Variants in MMRN1 observed in about 807,000 individuals in gnomAD.
The protein encoded by MMRN1 is multimerin 1, also known as multimerin-1.
In MMRN1, 94 loss-of-function variants were observed where a neutral mutation model predicts 100.7. The observed-to-expected ratio is 0.93, with a 90% CI of 0.79 to 1.11. The LOEUF is 1.11. Ranked by LOEUF, MMRN1 falls within the 50% of genes least tolerant of loss-of-function variation. The pLI, the probability that MMRN1 is intolerant of heterozygous loss-of-function variation, is 0.00. For missense variants in MMRN1, 1,606 were observed against 1,439.1 expected, an observed-to-expected ratio of 1.12 and a Z score of -1.88; for synonymous variants, 575 against 505.0, an observed-to-expected ratio of 1.14 and a Z score of -1.86.
At position 89,953,838 on chromosome 4, in the gene MMRN1, A is replaced by G. The variant is rs1210404991; in HGVS notation, c.*420A>G. 6.5e-6 allele frequency: 1 copy of G among 153,042 alleles called. No individual in the cohort carries two copies. Among genetic ancestry groups the G allele is most frequent in the East Asian group, 1.9e-4 (1 of 5,220 alleles). 9.5% of individuals were successfully genotyped at this position (153,042 alleles called of 1,614,324 possible). A position where few individuals can be genotyped will look rare whatever the true frequency, so the allele number is the denominator to read the frequency against. On this transcript the variant is annotated 3_prime_UTR_variant, in exon 8 of 8. Coordinates refer to ENST00000264790, the MANE Select transcript of MMRN1 (RefSeq NM_007351.3). Reference sequence around the variant, plus strand: ...ACACATTTTCTAGATTCACAAATTTAAATAAATTACTCAAAAAATGAAAAT... The same window carrying G: ...ACACATTTTCTAGATTCACAAATTTGAATAAATTACTCAAAAAATGAAAAT...
chr4:89,895,935 T>G (rs966332455), intron 1 of MMRN1, among the ~76,000 whole-genome samples: 1 of 152,306 alleles, frequency 6.6e-6, no homozygotes, highest in East Asian at 1.9e-4. Flanking sequence ...CCCAACCATA[T>G]TCACAATATG....
upstream of MMRN1, among the ~76,000 whole-genome samples, chr4:89,893,510 C>A (rs936935223): frequency 6.6e-6 from 1 of 152,142 alleles, no homozygotes; most frequent in Non-Finnish European, 1.5e-5. Context: ...ATTTCCAATT[C>A]TCTAATTTTG....
At chr4:89,931,036 T>C (rs1294367041) in intron 5 of MMRN1, among the ~76,000 whole-genome samples, 1 of 152,166 alleles carries the variant, frequency 6.6e-6, no homozygotes, top group Middle Eastern at 3.2e-3. Flanking sequence ...TTGATTACTA[T>C]TCTATATTTC....
chr4:89,908,755 T>G (rs1350074415), intron 1 of MMRN1, among the ~76,000 whole-genome samples: 1 of 151,566 alleles, frequency 6.6e-6, no homozygotes, highest in Non-Finnish European at 1.5e-5. Context: ...TTGATTACAT[T>G]GCTGAATTGT....
chr4:89,923,348 T>A, intron 4 of MMRN1, 76 bp downstream of exon 4: 3 of 1,286,674 alleles, frequency 2.3e-6, no homozygotes, highest in East Asian at 2.3e-5. Flanking sequence ...AAGCAAGAAA[T>A]CTCTTAGTTG....
rs140260250 is a variant in MMRN1, at chr4:89,945,985, G to A, written c.3119-5620G>A. On this transcript the variant is annotated intron_variant, in intron 6 of 7. Transcript: ENST00000264790. ...AAAGAACACAATGTTAGTAATTAGA[G>A]CAATGCATTTGAAAACTTAATAAAA... Among the ~76,000 whole-genome samples the A allele has an allele frequency of 3.6e-3, 542 of 152,210 alleles. 6 individuals are homozygous for A. Among genetic ancestry groups the A allele is most frequent in the African/African-American group, 0.013 (521 of 41,558 alleles).
intron 4 of MMRN1, 25 bp from the exon 5 acceptor site, chr4:89,927,770 T>C (rs2110621884): frequency 1.3e-6 from 2 of 1,590,184 alleles, no homozygotes; most frequent in East Asian, 2.3e-5. Context: ...TTTTTAATGG[T>C]CTCAATTTTC....
intron 1 of MMRN1, among the ~76,000 whole-genome samples, chr4:89,899,152 T>G (rs1406404938): frequency 1.3e-5 from 2 of 152,140 alleles, no homozygotes; most frequent in African/African-American, 4.8e-5. Flanking sequence ...TACAGGTTCT[T>G]TTCTAGATTA....
At position 89,950,677 on chromosome 4, in the gene MMRN1, A is replaced by AT. The variant is rs369700919; in HGVS notation, c.3119-921dup. Among the ~76,000 whole-genome samples the AT allele has an allele frequency of 2.5e-3, 376 of 151,530 alleles. 4 individuals are homozygous for AT. Among genetic ancestry groups the AT allele is most frequent in the African/African-American group, 8.4e-3 (347 of 41,306 alleles). On this transcript the variant is annotated intron_variant, in intron 6 of 7. Transcript: ENST00000264790. ...TGATACATTCTCCGTTTTTTAACTT[A>AT]TTTTTTTCTGATCTGTAAGTGAAGA...
At chr4:89,885,657 A>T (rs532861317) in intron 1 of MMRN1, among the ~76,000 whole-genome samples, 19 of 152,256 alleles carry the variant, frequency 1.2e-4, no homozygotes, top group African/African-American at 4.6e-4. Context: ...CATTTCATTT[A>T]AGTTGCCAGA....
intron 3 of MMRN1, among the ~76,000 whole-genome samples, chr4:89,917,891 G>A (rs1053857963): frequency 6.6e-6 from 1 of 151,844 alleles, no homozygotes; most frequent in Non-Finnish European, 1.5e-5. Flanking sequence ...AATACTGTGT[G>A]TATTTTTGAA....
intron 5 of MMRN1, among the ~76,000 whole-genome samples, chr4:89,931,783 T>C (rs1185492189): frequency 2.0e-5 from 3 of 152,170 alleles, no homozygotes; most frequent in African/African-American, 7.2e-5. Flanking sequence ...TCCCTCCCCA[T>C]GATTCAATTT....
chr4:89,924,292 G>A (rs1722177626), intron 4 of MMRN1, among the ~76,000 whole-genome samples: 1 of 150,662 alleles, frequency 6.6e-6, no homozygotes, highest in Middle Eastern at 3.4e-3. Flanking sequence ...GAGTGTAACA[G>A]TAACTCTTTG....
Position 89,895,054 on chromosome 4 carries a change from C to T in MMRN1, c.83C>T (p.Thr28Ile). ...IGLNNSKHSW[T>I]IPEDGNSQKT... Reference sequence around the variant, plus strand: ...CTTAACAACAGTAAGCATTCTTGGACTATACCTGAGGATGGGAACTCTCAG... The same window carrying T: ...CTTAACAACAGTAAGCATTCTTGGATTATACCTGAGGATGGGAACTCTCAG... The change falls in exon 1 of 8, where the codon ACT (threonine) becomes ATT (isoleucine). Residue 28 changes from threonine to isoleucine, a missense_variant. Physicochemically the swap from Thr to Ile is moderately conservative, Grantham distance 89 (BLOSUM62 -1). Coordinates refer to ENST00000264790, the MANE Select transcript of MMRN1 (RefSeq NM_007351.3). The T allele has an allele frequency of 1.9e-6, 3 of 1,613,910 alleles. No individual in the cohort carries two copies. The South Asian group carries it at 3.3e-5, about 18-fold the overall frequency.
At chr4:89,883,206 C>T (rs532202998) in intron 1 of MMRN1, among the ~76,000 whole-genome samples, 1 of 152,082 alleles carries the variant, frequency 6.6e-6, no homozygotes, top group East Asian at 1.9e-4. Flanking sequence ...TACGAATATT[C>T]TTGAACAAGT....
At chr4:89,942,132 T>C (rs1250154411) in intron 6 of MMRN1, among the ~76,000 whole-genome samples, 1 of 152,060 alleles carries the variant, frequency 6.6e-6, no homozygotes, top group South Asian at 2.1e-4. Context: ...AAAAAGGAAA[T>C]GGGATGGAAT....
intron 7 of MMRN1, among the ~76,000 whole-genome samples, chr4:89,952,698 A>G (rs2110660642): frequency 6.6e-6 from 1 of 152,282 alleles, no homozygotes; most frequent in African/African-American, 2.4e-5. Flanking sequence ...CTCTGGGGAG[A>G]TCAAAGCAAC....
intron 3 of MMRN1, among the ~76,000 whole-genome samples, chr4:89,916,102 T>C (rs532290750): frequency 1.3e-5 from 2 of 151,832 alleles, no homozygotes; most frequent in East Asian, 3.9e-4. Context: ...AGCTCTTTGC[T>C]GTGGCTGGTT....
At chr4:89,915,786 C>T (rs1721893510) in intron 3 of MMRN1, among the ~76,000 whole-genome samples, 1 of 151,566 alleles carries the variant, frequency 6.6e-6, no homozygotes, top group Non-Finnish European at 1.5e-5. Flanking sequence ...TTAAAAAAAT[C>T]TGAAATGCAC....
Sources: allele counts gnomAD v4.1 joint callset (sites outside exome capture counted in the v4.1 genomes callset), GRCh38; gene constraint gnomAD v4.1.1; transcripts MANE v1.5; gene names NCBI Gene and HGNC (gene_info 2026-07-23, HGNC 2026-07-21).